The following SYT10 variants were observed in gnomAD, a reference collection of about 807,000 sequenced individuals.
The protein encoded by SYT10 is synaptotagmin 10.
Under a neutral mutation model 51.1 loss-of-function variants are expected in SYT10, and 31 were observed. That is an observed-to-expected ratio of 0.61 (90% CI 0.46 to 0.82). SYT10 has a LOEUF of 0.82. Among genes scored for constraint, SYT10 ranks in the 40% least tolerant of loss-of-function variants. The pLI is 0.00. For missense variants in SYT10, 603 were observed against 634.0 expected (o/e 0.95, Z 0.53); for synonymous variants, 233 against 225.9 (o/e 1.03, Z -0.28).
chr12:33,382,386 G>A lies in SYT10; in HGVS notation c.1333C>T (p.Gln445Ter). The A allele has an allele frequency of 6.2e-7, 1 of 1,612,106 alleles. No homozygotes were observed. The highest frequency in any genetic ancestry group is 8.5e-7 in the Non-Finnish European group (1 of 1,178,988). The change falls in exon 5 of 7, where the codon CAG (glutamine) becomes TAG (stop). Residue 445 changes from glutamine (Q) to a stop codon, truncating the protein, a stop_gained. Coordinates refer to ENST00000228567, the MANE Select transcript of SYT10 (RefSeq NM_198992.4). LOFTEE classifies it high-confidence loss of function. ...ATGACCGCAATGGAGAGGCTGACCT[G>A]GTCCACGTTCTCTGGAGGGATGTCA... ...IFDIPPENVD[Q>*]VSLSIAVMDY... is the part of the protein sequence containing the mutation.
At chr12:33,381,202 T>C (rs80191317) in intron 5 of SYT10, among the ~76,000 whole-genome samples, 5,836 of 152,290 alleles carry the variant, frequency 0.038, 171 homozygotes, top group Non-Finnish European at 0.065. Context: ...CGCTCTCTCT[T>C]TCTAAATAGT....
intron 1 of SYT10, among the ~76,000 whole-genome samples, chr12:33,430,924 G>C (rs539552761): frequency 1.3e-5 from 2 of 152,228 alleles, no homozygotes; most frequent in South Asian, 4.1e-4. Context: ...TCTGATTTCT[G>C]TAACAAGGGA....
Position 33,376,794 on chromosome 12 carries a change from C to T in SYT10, c.*36G>A. On this transcript the variant is annotated 3_prime_UTR_variant, in exon 7 of 7. Coordinates refer to ENST00000228567, the MANE Select transcript of SYT10 (RefSeq NM_198992.4). ...TTTCTGATTCAATGAGCACGTGATC[C>T]TAGATGCTTAATATCATGGTCTCAT... is the stretch of plus-strand genomic sequence containing the variant. 6.2e-7 allele frequency: 1 copy of T among 1,611,336 alleles called. No individual in the cohort carries two copies. The highest frequency in any genetic ancestry group is 8.5e-7 in the Non-Finnish European group (1 of 1,177,616).
chr12:33,397,209 G>T (rs1866263944), intron 3 of SYT10, among the ~76,000 whole-genome samples: 1 of 152,140 alleles, frequency 6.6e-6, no homozygotes. Context: ...GGTCCAGCAG[G>T]AAACAGATGG....
intron 3 of SYT10, among the ~76,000 whole-genome samples, chr12:33,390,702 A>G (rs2138394716): frequency 6.6e-6 from 1 of 152,222 alleles, no homozygotes; most frequent in South Asian, 2.1e-4. Context: ...CAATCTCTAA[A>G]CTTTCATTCA....
rs1219371913 is a variant in SYT10, at chr12:33,419,684, A to C, written c.509+6454T>G. On this transcript the variant is annotated intron_variant, in intron 2 of 6. Coordinates refer to ENST00000228567, the MANE Select transcript of SYT10 (RefSeq NM_198992.4). ...TTGACTTCTCTCCATGTTTAAAAAA[A>C]TATGACATAAACACCATAAAAAGAG... Among the ~76,000 whole-genome samples, 4 of 151,494 alleles carry C rather than the reference A, an allele frequency of 2.6e-5. No homozygotes were observed. The South Asian group carries it at 8.3e-4, about 32-fold the overall frequency.
At chr12:33,434,116 G>T (rs910465520) in intron 1 of SYT10, among the ~76,000 whole-genome samples, 1 of 152,120 alleles carries the variant, frequency 6.6e-6, no homozygotes, top group African/African-American at 2.4e-5. Context: ...TGCCATACAT[G>T]AATATATTGA....
At chr12:33,386,597 C>G (rs188181237) in intron 3 of SYT10, among the ~76,000 whole-genome samples, 4 of 152,202 alleles carry the variant, frequency 2.6e-5, no homozygotes, top group African/African-American at 9.6e-5. Context: ...GGGTCTTCTC[C>G]CATCATTCAT....
chr12:33,417,163 C>G (rs1866461582), intron 2 of SYT10, among the ~76,000 whole-genome samples: 1 of 152,274 alleles, frequency 6.6e-6, no homozygotes, highest in South Asian at 2.1e-4. Context: ...CACATTGAAA[C>G]TTAATCCCTG....
chr12:33,411,536 T>C (rs1262445167), intron 2 of SYT10, among the ~76,000 whole-genome samples: 2 of 152,190 alleles, frequency 1.3e-5, no homozygotes, highest in African/African-American at 4.8e-5. Context: ...TAAGGCGATT[T>C]GTGGTATATC....
chr12:33,396,981 T>C (rs1866261832), intron 3 of SYT10, among the ~76,000 whole-genome samples: 1 of 152,178 alleles, frequency 6.6e-6, no homozygotes, highest in African/African-American at 2.4e-5. Context: ...CTTTATGTAA[T>C]AAAGTGTAGA....
At chr12:33,379,519 G>T (rs910605860) in intron 6 of SYT10, among the ~76,000 whole-genome samples, 7 of 111,012 alleles carry the variant, frequency 6.3e-5, no homozygotes, top group Non-Finnish European at 1.2e-4. Flanking sequence ...GATTGCTCCA[G>T]CACTCACTGA....
chr12:33,401,870 T>C (rs947395208), intron 3 of SYT10, among the ~76,000 whole-genome samples: 4 of 152,192 alleles, frequency 2.6e-5, no homozygotes, highest in African/African-American at 9.6e-5. Context: ...CACTAAGCAC[T>C]CATACTATGT....
intron 1 of SYT10, among the ~76,000 whole-genome samples, chr12:33,438,950 G>A (rs1382132744): frequency 6.6e-6 from 1 of 152,258 alleles, no homozygotes; most frequent in Non-Finnish European, 1.5e-5. Context: ...GGGACCAGCG[G>A]CCGGTGGAAC....
intron 3 of SYT10, among the ~76,000 whole-genome samples, chr12:33,389,042 C>T (rs1268379484): frequency 1.3e-5 from 2 of 152,138 alleles, no homozygotes; most frequent in Admixed American, 6.5e-5. Context: ...TTAGGTTGGG[C>T]TTAAAGAATT....
At chr12:33,426,805 T>A (rs1021291192) in intron 1 of SYT10, among the ~76,000 whole-genome samples, 1 of 152,218 alleles carries the variant, frequency 6.6e-6, no homozygotes, top group African/African-American at 2.4e-5. Context: ...AACTGCAACC[T>A]GCCATGAAGC....
intron 3 of SYT10, among the ~76,000 whole-genome samples, chr12:33,389,348 C>A (rs1866184927): frequency 6.6e-6 from 1 of 152,022 alleles, no homozygotes; most frequent in African/African-American, 2.4e-5. Flanking sequence ...AAATACTTGA[C>A]CTCCCTGAGC....
intron 5 of SYT10, 41 bp downstream of exon 5, chr12:33,382,308 T>C: frequency 1.4e-6 from 2 of 1,465,392 alleles, no homozygotes; most frequent in Non-Finnish European, 9.0e-7. Context: ...TGCGCATGAC[T>C]AGACATGGCT....
chr12:33,386,475 T>G (rs1337902853), intron 3 of SYT10, among the ~76,000 whole-genome samples: 3 of 152,034 alleles, frequency 2.0e-5, no homozygotes, highest in African/African-American at 7.2e-5. Context: ...GTTCCTGCTT[T>G]GGGGCCTCTG....
Sources: allele counts gnomAD v4.1 joint callset (sites outside exome capture counted in the v4.1 genomes callset), GRCh38; gene constraint gnomAD v4.1.1; transcripts MANE v1.5; gene names NCBI Gene and HGNC (gene_info 2026-07-23, HGNC 2026-07-21).